Variants in TEX101 observed in about 807,000 individuals in gnomAD.
TEX101 encodes the protein testis-expressed protein 101.
Under a neutral mutation model 18.1 loss-of-function variants are expected in TEX101, and 10 were observed. That is an observed-to-expected ratio of 0.55 (90% CI 0.34 to 0.94). TEX101 has a LOEUF of 0.94. Ranked by LOEUF, TEX101 falls within the 40% of genes least tolerant of loss-of-function variation. TEX101 has a pLI of 0.02. For missense variants in TEX101, 259 were observed against 298.9 expected (o/e 0.87, Z 0.98); for synonymous variants, 94 against 114.8 (o/e 0.82, Z 1.16).
In TEX101 at chr19:43,415,914, G is replaced by GA. The variant is rs764723968; in HGVS notation, c.-4dup. 7 of 1,614,136 alleles carry GA rather than the reference G, an allele frequency of 4.3e-6. No homozygotes were observed. In the Admixed American group the frequency reaches 1.2e-4, roughly 27 times the overall value. ...CAGCTCCTCCCAGACCTCTCCAGAAGAAGCCATGGGAACCCCTCGTATCCA... is the reference window on the plus strand; with the variant it reads ...CAGCTCCTCCCAGACCTCTCCAGAAGAAAGCCATGGGAACCCCTCGTATCCA... On this transcript the variant is annotated 5_prime_UTR_variant, in exon 2 of 6. Coordinates refer to ENST00000598265, the MANE Select transcript of TEX101 (RefSeq NM_001130011.3).
the TEX101 span, among the ~76,000 whole-genome samples, chr19:43,390,425 T>TTTTTC: frequency 2.7e-5 from 4 of 150,432 alleles, no homozygotes; most frequent in South Asian, 2.1e-4. Context: ...TTTAATGACT[T>TTTTTC]TTTTCTTTTC....
upstream of TEX101, among the ~76,000 whole-genome samples, chr19:43,412,729 A>G (rs1970429506): frequency 2.0e-5 from 3 of 152,216 alleles, no homozygotes; most frequent in Admixed American, 2.0e-4. Context: ...CAAAGATAAC[A>G]AAGGGATTGA....
Position 43,416,621 on chromosome 19 carries a change from C to T in TEX101, c.391+66C>T. 4.0e-6 allele frequency: 6 copies of T among 1,506,852 alleles called. No individual in the cohort carries two copies. In the South Asian group the frequency reaches 7.6e-5, roughly 19 times the overall value. 93.3% of individuals were successfully genotyped at this position (1,506,852 alleles called of 1,614,324 possible). ...CATAAAGAGCTTGTGTATGGCCTCC[C>T]TTTGCATTCTGACTTGGCTTAGCCT... On this transcript the variant is annotated intron_variant, in intron 4 of 5. Coordinates refer to ENST00000598265, the MANE Select transcript of TEX101 (RefSeq NM_001130011.3).
At chr19:43,415,299 C>A (rs1014410337) in intron 1 of TEX101, among the ~76,000 whole-genome samples, 1 of 151,920 alleles carries the variant, frequency 6.6e-6, no homozygotes, top group Non-Finnish European at 1.5e-5. Context: ...GAGGGAGAAG[C>A]GGCCTTCAGG....
At chr19:43,407,672 A>C (rs1049344289) in intron 3 of TEX101, among the ~76,000 whole-genome samples, 3 of 152,206 alleles carry the variant, frequency 2.0e-5, no homozygotes, top group East Asian at 1.9e-4. Context: ...CACTGGGCTA[A>C]GCTGCCATCC....
At chr19:43,406,453 A>AGAC (rs1267857128) in exon 3 of TEX101, 1 of 767,542 alleles carries the variant, frequency 1.3e-6, no homozygotes, top group African/African-American at 1.7e-5. Context: ...GGCGGTGAAG[A>AGAC]GACAGGAGAG....
At chr19:43,414,313 C>CG (rs1970447417), upstream of TEX101, among the ~76,000 whole-genome samples, 1 of 152,182 alleles carries the variant, frequency 6.6e-6, no homozygotes, top group Non-Finnish European at 1.5e-5. Context: ...TGCATGCATT[C>CG]GGGGTGCCCA....
At chr19:43,395,807 C>T in the TEX101 span, among the ~76,000 whole-genome samples, 4 of 152,232 alleles carry the variant, frequency 2.6e-5, no homozygotes, top group African/African-American at 9.6e-5. Context: ...CAGGAGCCTC[C>T]GTGGCTCAGG....
upstream of TEX101, among the ~76,000 whole-genome samples, chr19:43,396,998 G>C (rs1389632991): frequency 6.6e-6 from 1 of 151,686 alleles, no homozygotes; most frequent in South Asian, 2.1e-4. Context: ...CACCACACCC[G>C]GCTAATTGTT....
At chr19:43,400,461 C>T (rs1970309611), upstream of TEX101, among the ~76,000 whole-genome samples, 1 of 152,174 alleles carries the variant, frequency 6.6e-6, no homozygotes, top group Non-Finnish European at 1.5e-5. Context: ...TCTCTTTTCT[C>T]TGGCCCTGAT....
In TEX101 at chr19:43,418,022, C is replaced by A. The variant is rs756065371; in HGVS notation, c.520+16C>A. The A allele has an allele frequency of 1.9e-6, 3 of 1,614,144 alleles. No individual in the cohort carries two copies. In the Admixed American group the frequency reaches 5.0e-5, roughly 27 times the overall value. On this transcript the variant is annotated intron_variant, in intron 5 of 5. Coordinates refer to ENST00000598265, the MANE Select transcript of TEX101 (RefSeq NM_001130011.3). ...ATCACTGGAGGTAAACTGAAATGAACATCTGATAGTTTCAGAGGCTGGAAA... is the reference window on the plus strand; with the variant it reads ...ATCACTGGAGGTAAACTGAAATGAAAATCTGATAGTTTCAGAGGCTGGAAA...
At chr19:43,409,688 G>C (rs1022731843) in intron 3 of TEX101, among the ~76,000 whole-genome samples, 1 of 152,006 alleles carries the variant, frequency 6.6e-6, no homozygotes, top group Non-Finnish European at 1.5e-5. Context: ...AGAATTGCTT[G>C]AACCTGGGAG....
At chr19:43,413,496 CAA>C (rs71169233), upstream of TEX101, among the ~76,000 whole-genome samples, 3,598 of 133,624 alleles carry the variant, frequency 0.027, 123 homozygotes, top group African/African-American at 0.086. Context: ...AGGGAGACTC[CAA>C]AAAAAAAAAA....
upstream of TEX101, among the ~76,000 whole-genome samples, chr19:43,410,203 A>C (rs955735918): frequency 6.6e-6 from 1 of 152,154 alleles, no homozygotes; most frequent in African/African-American, 2.4e-5. Context: ...GAACTGGAGC[A>C]CTCAAAAAGG....
upstream of TEX101, among the ~76,000 whole-genome samples, chr19:43,398,183 A>T (rs1444521375): frequency 1.9e-4 from 18 of 93,720 alleles, no homozygotes; most frequent in African/African-American, 7.8e-4. Context: ...AATATATAAA[A>T]ATATATATTA....
the TEX101 span, among the ~76,000 whole-genome samples, chr19:43,394,546 C>T: frequency 1.3e-5 from 2 of 151,758 alleles, no homozygotes; most frequent in African/African-American, 2.4e-5. Context: ...TCTTGGCTCA[C>T]TGCAACCTCT....
chr19:43,406,461 G>A, exon 3 of TEX101: 1 of 769,690 alleles, frequency 1.3e-6, no homozygotes, highest in East Asian at 2.5e-5. Context: ...AGAGACAGGA[G>A]AGGGGGATCG....
rs1235306280 is a variant in TEX101 at position 43,416,428 on chromosome 19, C to T, written c.264C>T (p.Ala88=). 1 of 1,614,144 alleles carries T rather than the reference C, an allele frequency of 6.2e-7. No homozygotes were observed. The highest frequency in any genetic ancestry group is 8.5e-7 in the Non-Finnish European group (1 of 1,180,010). ...TKGCIPEGEE[A]ITIVQHSSPP... is the part of the protein sequence containing the mutation. ...GCTGCATCCCGGAAGGGGAGGAGGC[C>T]ATAACAATTGTCCAGCACTCTTCAC... Residue 88 remains alanine, a synonymous_variant, in exon 4 of 6, where the codon GCC becomes GCT. Coordinates refer to ENST00000598265, the MANE Select transcript of TEX101 (RefSeq NM_001130011.3).
chr19:43,400,223 G>A (rs1189492005), upstream of TEX101, among the ~76,000 whole-genome samples: 2 of 152,152 alleles, frequency 1.3e-5, no homozygotes, highest in Non-Finnish European at 1.5e-5. Flanking sequence ...TCTGAAATCA[G>A]GCATGTCTCC....
Sources: gnomAD v4.1 joint callset for allele counts (sites outside exome capture counted in the v4.1 genomes callset) on GRCh38, gnomAD v4.1.1 for gene constraint, MANE v1.5 for transcripts, NCBI Gene and HGNC (gene_info 2026-07-23, HGNC 2026-07-21) for gene names.